RRP15: variants seen among roughly 807,000 people sequenced by gnomAD.
The protein encoded by RRP15 is RRP15-like protein.
A neutral mutation model predicts 27.1 loss-of-function variants in RRP15; 18 were observed. That is an observed-to-expected ratio of 0.66 (90% confidence interval 0.46 to 0.98). RRP15 has a LOEUF of 0.98. RRP15 is among the 50% of genes least tolerant of loss of function. The pLI is 0.00. For missense variants in RRP15, 359 were observed against 337.8 expected (o/e 1.06, Z -0.49); for synonymous variants, 107 against 109.4 (o/e 0.98, Z 0.14).
Position 218,334,283 on chromosome 1 carries a change from T to A in RRP15, c.*3192T>A, listed in dbSNP as rs979125762. The A allele has an allele frequency of 2.0e-5, 3 of 152,204 alleles. No homozygotes were observed. Among genetic ancestry groups the A allele is most frequent in the African/African-American group, 7.2e-5 (3 of 41,446 alleles). 9.4% of individuals were successfully genotyped at this position (152,204 alleles called of 1,614,324 possible). A position where few individuals can be genotyped will look rare whatever the true frequency, so the allele number is the denominator to read the frequency against. On this transcript the variant is annotated 3_prime_UTR_variant, in exon 5 of 5. Transcript: ENST00000366932. ...AAATATACCTTGGAAACCCTTTGGA[T>A]AGAACAGTTCAGAGGGTTACCACTA... is the stretch of plus-strand genomic sequence containing the variant.
At chr1:218,330,351 C>T (rs1256076412) in intron 4 of RRP15, among the ~76,000 whole-genome samples, 3 of 152,154 alleles carry the variant, frequency 2.0e-5, no homozygotes, top group African/African-American at 7.2e-5. Flanking sequence ...TTTATAATTT[C>T]AACATACGAT....
chr1:218,324,382 C>T (rs547856416), intron 4 of RRP15, among the ~76,000 whole-genome samples: 3 of 152,304 alleles, frequency 2.0e-5, no homozygotes, highest in African/African-American at 7.2e-5. Context: ...GAGGTTGAGG[C>T]CATGGCAGAG....
chr1:218,304,187 G>T (rs957200200), intron 2 of RRP15, among the ~76,000 whole-genome samples: 1 of 152,084 alleles, frequency 6.6e-6, no homozygotes, highest in East Asian at 1.9e-4. Flanking sequence ...AAGAGTAAAG[G>T]CATAGATAAA....
At chr1:218,287,138 T>C (rs1189680770) in intron 1 of RRP15, among the ~76,000 whole-genome samples, 1 of 150,286 alleles carries the variant, frequency 6.7e-6, no homozygotes, top group Non-Finnish European at 1.5e-5. Flanking sequence ...CTAATTTTTT[T>C]TTTCTTTTTT....
At chr1:218,295,222 C>T (rs1454616324) in intron 1 of RRP15, among the ~76,000 whole-genome samples, 1 of 152,138 alleles carries the variant, frequency 6.6e-6, no homozygotes, top group Non-Finnish European at 1.5e-5. Flanking sequence ...ATAGCCCCTA[C>T]CTCTGAGTTA....
intron 4 of RRP15, among the ~76,000 whole-genome samples, chr1:218,313,254 C>T (rs1656030491): frequency 6.6e-6 from 1 of 151,918 alleles, no homozygotes; most frequent in Admixed American, 6.6e-5. Flanking sequence ...AAGACAATTG[C>T]CATAATTAAA....
rs184172181 is a variant in RRP15, at chr1:218,331,337, C to T, written c.*246C>T. The T allele has an allele frequency of 8.5e-5, 25 of 294,316 alleles. No individual in the cohort carries two copies. The highest frequency in any genetic ancestry group is 3.8e-4 in the East Asian group (6 of 15,938). The allele number at this position is 294,316 out of a possible 1,614,324, so 18.2% of individuals were successfully genotyped here. On this transcript the variant is annotated 3_prime_UTR_variant, in exon 5 of 5. Coordinates refer to ENST00000366932, the MANE Select transcript of RRP15 (RefSeq NM_016052.4). Reference sequence around the variant, plus strand: ...AAAGGATATATTTCTGCTTGACCAGCGAGATGTGCATTTTGCCAGGATCAT... The same window carrying T: ...AAAGGATATATTTCTGCTTGACCAGTGAGATGTGCATTTTGCCAGGATCAT...
chr1:218,294,539 CATAGGGTGAAGT>C (rs1558201873), intron 1 of RRP15, among the ~76,000 whole-genome samples: 1 of 152,076 alleles, frequency 6.6e-6, no homozygotes, highest in Non-Finnish European at 1.5e-5. Context: ...TGAACAGATG[CATAGGGTGAAGT>C]ATAGGGTGAA....
At chr1:218,314,936 G>A (rs1384323163) in intron 4 of RRP15, among the ~76,000 whole-genome samples, 2 of 149,110 alleles carry the variant, frequency 1.3e-5, no homozygotes, top group African/African-American at 5.0e-5. Context: ...AGGTAGCAGT[G>A]TGCTGAGATT....
intron 4 of RRP15, among the ~76,000 whole-genome samples, chr1:218,324,918 T>G (rs573177210): frequency 1.3e-5 from 2 of 152,296 alleles, no homozygotes; most frequent in South Asian, 4.1e-4. Flanking sequence ...ATGTATCTAT[T>G]TTAATTATTT....
At chr1:218,292,641 T>G (rs76201278) in intron 1 of RRP15, among the ~76,000 whole-genome samples, 3,428 of 152,322 alleles carry the variant, frequency 0.023, 123 homozygotes, top group African/African-American at 0.077. Context: ...TAGTGAATTC[T>G]CAAATACAGA....
chr1:218,287,275 C>G (rs1417291773), intron 1 of RRP15, among the ~76,000 whole-genome samples: 1 of 151,916 alleles, frequency 6.6e-6, no homozygotes, highest in Admixed American at 6.6e-5. Flanking sequence ...GCCAGCACAC[C>G]TGGCCAAATT....
At chr1:218,321,883 G>A (rs1277089087) in intron 4 of RRP15, among the ~76,000 whole-genome samples, 1 of 150,792 alleles carries the variant, frequency 6.6e-6, no homozygotes, top group African/African-American at 2.4e-5. Context: ...TTTTGTGTGG[G>A]TGCTCCAAGT....
At chr1:218,299,782 C>T (rs1248743707) in intron 1 of RRP15, among the ~76,000 whole-genome samples, 2 of 152,172 alleles carry the variant, frequency 1.3e-5, no homozygotes, top group Non-Finnish European at 2.9e-5. Context: ...ATGCTACTGA[C>T]TCTGAAGAGT....
At chr1:218,292,420 C>A (rs1345260453) in intron 1 of RRP15, among the ~76,000 whole-genome samples, 1 of 151,996 alleles carries the variant, frequency 6.6e-6, no homozygotes, top group Non-Finnish European at 1.5e-5. Flanking sequence ...AGAAAAAGCA[C>A]AGAAATGGAA....
At chr1:218,317,706 C>T (rs1433152481) in intron 4 of RRP15, among the ~76,000 whole-genome samples, 2 of 143,444 alleles carry the variant, frequency 1.4e-5, no homozygotes, top group African/African-American at 2.6e-5. Context: ...ATTTTAGAAT[C>T]TTCCCCCATG....
chr1:218,306,625 A>C (rs888063154), intron 3 of RRP15, among the ~76,000 whole-genome samples: 3 of 152,190 alleles, frequency 2.0e-5, no homozygotes, highest in African/African-American at 7.2e-5. Flanking sequence ...TTAGAGCCGG[A>C]AGGGATCTTA....
chr1:218,329,530 T>C (rs991912974), intron 4 of RRP15, among the ~76,000 whole-genome samples: 2 of 152,252 alleles, frequency 1.3e-5, no homozygotes, highest in African/African-American at 4.8e-5. Context: ...ACTCCAGTTA[T>C]CTTCCTACGT....
chr1:218,308,135 G>T (rs543724744), intron 4 of RRP15, among the ~76,000 whole-genome samples: 1 of 134,336 alleles, frequency 7.4e-6, no homozygotes, highest in Non-Finnish European at 1.5e-5. Context: ...GCAGTGGCGC[G>T]ATCTCGGCTC....
Sources: allele counts gnomAD v4.1 joint callset (sites outside exome capture counted in the v4.1 genomes callset), GRCh38; gene constraint gnomAD v4.1.1; transcripts MANE v1.5; gene names NCBI Gene and HGNC (gene_info 2026-07-23, HGNC 2026-07-21).